The following NBAS variants were observed in gnomAD, a reference collection of about 807,000 sequenced individuals.
The protein encoded by NBAS is NBAS subunit of NRZ tethering complex.
NBAS carries 219 observed loss-of-function variants against 302.5 expected under a neutral mutation model. The ratio of observed to expected loss-of-function variants is 0.72; its 90% confidence interval spans 0.65 to 0.81. NBAS has a LOEUF of 0.81. Among genes scored for constraint, NBAS ranks in the 30% least tolerant of loss-of-function variants. NBAS has a pLI of 0.00. For missense variants in NBAS, 2,932 were observed against 2,841.6 expected (o/e 1.03, Z -0.72); for synonymous variants, 1,118 against 1,021.6 (o/e 1.09, Z -1.80).
rs185851883 is a variant in NBAS at position 15,302,765 on chromosome 2, T to G, written c.4797+5451A>C. On this transcript the variant is annotated intron_variant, in intron 40 of 51. Coordinates refer to ENST00000281513, the MANE Select transcript of NBAS (RefSeq NM_015909.4). ...CAAAGAAGGTTAACATTTGAGTCAGTGGACTGGGAGAGGCAGACCCACCCT... is the reference window on the plus strand; with the variant it reads ...CAAAGAAGGTTAACATTTGAGTCAGGGGACTGGGAGAGGCAGACCCACCCT... Among the ~76,000 whole-genome samples, 554 of 152,266 alleles carry G rather than the reference T, an allele frequency of 3.6e-3. 4 individuals are homozygous for G. The highest frequency in any genetic ancestry group is 0.01 in the Middle Eastern group (3 of 294).
chr2:15,078,270 T>C, the NBAS span, among the ~76,000 whole-genome samples: 1 of 152,160 alleles, frequency 6.6e-6, no homozygotes, highest in African/African-American at 2.4e-5. Flanking sequence ...TTCCCTATGG[T>C]GGCTGGTATG....
chr2:15,064,132 C>T, the NBAS span, among the ~76,000 whole-genome samples: 14 of 151,836 alleles, frequency 9.2e-5, no homozygotes, highest in African/African-American at 3.4e-4. Context: ...TTGAAGTCTC[C>T]TACAAACTGA....
chr2:14,895,719 G>A, the NBAS span, among the ~76,000 whole-genome samples: 4 of 139,728 alleles, frequency 2.9e-5, no homozygotes, highest in Admixed American at 1.4e-4. Context: ...CAGCCTGGGT[G>A]ACAGAGCGAG....
the NBAS span, among the ~76,000 whole-genome samples, chr2:14,805,922 C>G: frequency 0.39 from 59,928 of 151,884 alleles, 12,272 homozygotes; most frequent in African/African-American, 0.5. Flanking sequence ...TAATGCCCTT[C>G]AAAATTAATA....
the NBAS span, among the ~76,000 whole-genome samples, chr2:14,871,783 T>A: frequency 6.6e-6 from 1 of 152,108 alleles, no homozygotes; most frequent in African/African-American, 2.4e-5. Flanking sequence ...AATGAAATTT[T>A]AAAAATGCTC....
At chr2:14,887,468 C>G in the NBAS span, among the ~76,000 whole-genome samples, 1 of 151,196 alleles carries the variant, frequency 6.6e-6, no homozygotes. Flanking sequence ...TGAGGAGAAG[C>G]CTATGAGAAA....
intron 11 of NBAS, among the ~76,000 whole-genome samples, chr2:15,490,527 G>A (rs958217809): frequency 1.8e-4 from 28 of 152,088 alleles, no homozygotes; most frequent in Non-Finnish European, 3.1e-4. Flanking sequence ...AAGACAAAGG[G>A]CCTGATGTCC....
At position 15,393,784 on chromosome 2, in the gene NBAS, T is replaced by C. The variant is rs2148408942; in HGVS notation, c.3257+443A>G. ...CCGCAAACAAAAAGAAATAAACTACTGATTCATGACACAACATGGATGAAT... is the reference window on the plus strand; with the variant it reads ...CCGCAAACAAAAAGAAATAAACTACCGATTCATGACACAACATGGATGAAT... On this transcript the variant is annotated intron_variant, in intron 28 of 51. Transcript: ENST00000281513. 1.1e-5 allele frequency: 5 copies of C among 466,890 alleles called. No homozygotes were observed. In the Admixed American group the frequency reaches 1.2e-4, roughly 11 times the overall value. The allele number at this position is 466,890 out of a possible 1,614,324, so 28.9% of individuals were successfully genotyped here. A position where few individuals can be genotyped will look rare whatever the true frequency, so the allele number is the denominator to read the frequency against.
rs781153238 is a variant in NBAS, at chr2:15,232,376, T to C, written c.6236+46A>G. The C allele has an allele frequency of 1.9e-6, 3 of 1,563,862 alleles. No individual in the cohort carries two copies. The South Asian group carries it at 3.3e-5, about 17-fold the overall frequency. On this transcript the variant is annotated intron_variant, in intron 47 of 51. Coordinates refer to ENST00000281513, the MANE Select transcript of NBAS (RefSeq NM_015909.4). ...GATACTAAGAGCAATTCTAATACTC[T>C]GAGGAAAGCCAGTTAATGAAGATGC...
the NBAS span, among the ~76,000 whole-genome samples, chr2:14,847,382 T>TAA: frequency 0.16 from 8,512 of 52,952 alleles, 728 homozygotes; most frequent in Non-Finnish European, 0.19. Context: ...GACTCTATCT[T>TAA]AAAAAAAAAA....
At chr2:15,322,180 T>C (rs940051079) in intron 38 of NBAS, among the ~76,000 whole-genome samples, 10 of 147,908 alleles carry the variant, frequency 6.8e-5, no homozygotes, top group African/African-American at 1.3e-4. Flanking sequence ...TAGGTGGGAA[T>C]TGAACAATGA....
intron 16 of NBAS, among the ~76,000 whole-genome samples, chr2:15,469,158 G>A (rs1274942049): frequency 6.6e-6 from 1 of 152,090 alleles, no homozygotes; most frequent in East Asian, 1.9e-4. Context: ...ACCAGCTCCT[G>A]GATTCATTGA....
At chr2:14,851,466 A>G in the NBAS span, among the ~76,000 whole-genome samples, 2 of 149,636 alleles carry the variant, frequency 1.3e-5, no homozygotes, top group African/African-American at 5.0e-5. Context: ...AGAGTCCAGG[A>G]CCAGATGGAT....
chr2:15,202,422 T>C (rs563255946), intron 48 of NBAS, among the ~76,000 whole-genome samples: 4 of 152,330 alleles, frequency 2.6e-5, no homozygotes, highest in African/African-American at 9.6e-5. Context: ...TGTGTTAAAA[T>C]AAGAAGAGGA....
the NBAS span, among the ~76,000 whole-genome samples, chr2:15,019,403 AC>A: frequency 6.6e-6 from 1 of 152,142 alleles, no homozygotes; most frequent in Admixed American, 6.5e-5. Context: ...AAGTCAAAGA[AC>A]TTTTTAATAT....
intron 25 of NBAS, among the ~76,000 whole-genome samples, chr2:15,404,131 A>T (rs559835178): frequency 5.3e-5 from 8 of 152,126 alleles, no homozygotes; most frequent in Non-Finnish European, 7.4e-5. Flanking sequence ...TAAAATTACT[A>T]CTAGTACTAT....
At chr2:15,311,746 AAGTT>A (rs764787237) in intron 38 of NBAS, among the ~76,000 whole-genome samples, 3 of 152,172 alleles carry the variant, frequency 2.0e-5, no homozygotes, top group Non-Finnish European at 4.4e-5. Context: ...TCTACGGAAG[AAGTT>A]AGATGTTTTC....
At chr2:15,224,714 G>C (rs1185281753) in intron 47 of NBAS, among the ~76,000 whole-genome samples, 3 of 152,206 alleles carry the variant, frequency 2.0e-5, no homozygotes, top group Non-Finnish European at 4.4e-5. Context: ...GTTCGTCCCA[G>C]GCTCTCCCAC....
rs1674951651 is a variant in NBAS, at chr2:15,379,943, G to A, written c.3361-112C>T. 5.4e-6 allele frequency: 5 copies of A among 931,570 alleles called. No individual in the cohort carries two copies. The Admixed American group carries it at 8.1e-5, about 15-fold the overall frequency. The allele number at this position is 931,570 out of a possible 1,614,324, so 57.7% of individuals were successfully genotyped here. A position where few individuals can be genotyped will look rare whatever the true frequency, so the allele number is the denominator to read the frequency against. On this transcript the variant is annotated intron_variant, in intron 29 of 51. Transcript: ENST00000281513. ...AAATTAAAAACACATCCACCCTAGA[G>A]GTGGTGGCTGCACAGCACTGTAAAT...
Sources: allele counts gnomAD v4.1 joint callset (sites outside exome capture counted in the v4.1 genomes callset), GRCh38; gene constraint gnomAD v4.1.1; transcripts MANE v1.5; gene names NCBI Gene and HGNC (gene_info 2026-07-23, HGNC 2026-07-21).